The following KIF1B variants were observed in gnomAD, a reference collection of about 807,000 sequenced individuals.
KIF1B encodes the protein kinesin-like protein KIF1B.
Under a neutral mutation model 241.9 loss-of-function variants are expected in KIF1B, and 76 were observed. The observed-to-expected ratio is 0.31, with a 90% CI of 0.26 to 0.38. The LOEUF is 0.38. Among genes scored for constraint, KIF1B ranks in the 10% least tolerant of loss-of-function variants. The pLI, the probability that KIF1B is intolerant of heterozygous loss-of-function variation, is 1.00. For missense variants in KIF1B, 1,622 were observed against 2,271.4 expected (o/e 0.71, Z 5.81); for synonymous variants, 750 against 796.7 (o/e 0.94, Z 0.99).
At chr1:10,353,866 C>T (rs1341192281) in intron 38 of KIF1B, among the ~76,000 whole-genome samples, 2 of 152,166 alleles carry the variant, frequency 1.3e-5, no homozygotes, top group African/African-American at 2.4e-5. Context: ...GGCAAAATCA[C>T]GAGCAATACT....
chr1:10,340,792 G>A (rs1000187832), intron 32 of KIF1B, among the ~76,000 whole-genome samples: 24 of 152,072 alleles, frequency 1.6e-4, no homozygotes, highest in Non-Finnish European at 2.6e-4. Flanking sequence ...AAATAAAAAA[G>A]TAATAATAAA....
intron 41 of KIF1B, among the ~76,000 whole-genome samples, chr1:10,364,325 C>G (rs1339161402): frequency 6.6e-6 from 1 of 151,652 alleles, no homozygotes; most frequent in Non-Finnish European, 1.5e-5. Context: ...CTGCCTCAGC[C>G]TCCTGAGTAG....
chr1:10,293,418 A>G (rs1381877080), intron 17 of KIF1B, among the ~76,000 whole-genome samples: 2 of 117,188 alleles, frequency 1.7e-5, no homozygotes, highest in Admixed American at 1.8e-4. Context: ...TTTTTTTGAG[A>G]CAGAGTCTCA....
At chr1:10,357,253 C>G (rs1638277402) in intron 38 of KIF1B, among the ~76,000 whole-genome samples, 1 of 152,162 alleles carries the variant, frequency 6.6e-6, no homozygotes, top group South Asian at 2.1e-4. Flanking sequence ...ACCTTGAAAC[C>G]TGTTTTTCCT....
rs181811188 is a variant in KIF1B at position 10,332,121 on chromosome 1, A to G, written c.2925-2399A>G. Among the ~76,000 whole-genome samples, 1,249 of 150,804 alleles carry G rather than the reference A, an allele frequency of 8.3e-3. 15 individuals are homozygous for G. Among genetic ancestry groups the G allele is most frequent in the African/African-American group, 0.029 (1,176 of 41,072 alleles). The stretch of plus-strand genomic sequence containing the variant: ...CTCTTGTCCCCCAGGCTGGAGTGCA[A>G]TGGTGCGATCTCGGCTCACTGCAAC... On this transcript the variant is annotated intron_variant, in intron 27 of 48. Coordinates refer to ENST00000676179, the MANE Select transcript of KIF1B (RefSeq NM_001365951.3).
At chr1:10,245,657 G>C (rs1048998066) in intron 2 of KIF1B, among the ~76,000 whole-genome samples, 6 of 152,142 alleles carry the variant, frequency 3.9e-5, no homozygotes, top group Non-Finnish European at 8.8e-5. Flanking sequence ...GGAAAATTTA[G>C]GAAAACAGCC....
chr1:10,289,032 T>C (rs1649855564), intron 15 of KIF1B, among the ~76,000 whole-genome samples: 1 of 152,264 alleles, frequency 6.6e-6, no homozygotes, highest in African/African-American at 2.4e-5. Context: ...AAGTGTTTGA[T>C]GAACTATAAC....
At chr1:10,224,545 A>G (rs942621216) in intron 1 of KIF1B, among the ~76,000 whole-genome samples, 2 of 152,052 alleles carry the variant, frequency 1.3e-5, no homozygotes, top group Non-Finnish European at 2.9e-5. Context: ...CAGCCTCTCA[A>G]GTAGCTGGGA....
intron 31 of KIF1B, among the ~76,000 whole-genome samples, chr1:10,338,993 G>C (rs903125978): frequency 2.6e-5 from 4 of 152,084 alleles, no homozygotes; most frequent in Non-Finnish European, 5.9e-5. Flanking sequence ...TGATGGAAGG[G>C]GTGTCCTTCT....
intron 22 of KIF1B, among the ~76,000 whole-genome samples, chr1:10,315,749 C>A (rs1557709387): frequency 6.6e-6 from 1 of 151,288 alleles, no homozygotes; most frequent in African/African-American, 2.5e-5. Flanking sequence ...CAAGTTAAAT[C>A]TTTTTGTTAA....
chr1:10,229,867 CAAAAAAAAAAAAA>C (rs58923572), intron 1 of KIF1B, among the ~76,000 whole-genome samples: 6 of 56,450 alleles, frequency 1.1e-4, no homozygotes, highest in Non-Finnish European at 1.6e-4. Context: ...GACTCCGTCT[CAAAAAAAAAAAAA>C]AAAAAAAAAA....
chr1:10,381,598 T>G lies in KIF1B; in HGVS notation c.*5011T>G, dbSNP rs997419370. ...AAATAATAAAGGTACAGCCAGTGCATCAGAAGGTTCTCGATGTGCATTTAT... is the reference window on the plus strand; with the variant it reads ...AAATAATAAAGGTACAGCCAGTGCAGCAGAAGGTTCTCGATGTGCATTTAT... On this transcript the variant is annotated 3_prime_UTR_variant, in exon 49 of 49. Transcript: ENST00000676179. 2 of 191,072 alleles carry G rather than the reference T, an allele frequency of 1.0e-5. No homozygotes were observed. Among genetic ancestry groups the G allele is most frequent in the Non-Finnish European group, 2.2e-5 (2 of 90,944 alleles). The allele number at this position is 191,072 out of a possible 1,614,324, so 11.8% of individuals were successfully genotyped here. A position where few individuals can be genotyped will look rare whatever the true frequency, so the allele number is the denominator to read the frequency against.
At chr1:10,343,364 A>G (rs1652471567) in intron 34 of KIF1B, 77 bp downstream of exon 34, 1 of 1,400,042 alleles carries the variant, frequency 7.1e-7, no homozygotes, top group African/African-American at 1.4e-5. Flanking sequence ...TTTCAAATAG[A>G]AGTCATGTTT....
At position 10,267,518 on chromosome 1, in the gene KIF1B, A is replaced by G. The variant is rs1170884679; in HGVS notation, c.568A>G (p.Thr190Ala). The G allele has an allele frequency of 1.2e-6, 2 of 1,614,088 alleles. No homozygotes were observed. Among genetic ancestry groups the G allele is most frequent in the South Asian group, 1.1e-5 (1 of 91,086 alleles). The change falls in exon 6 of 49, where the codon ACA becomes GCA. Residue 190 changes from threonine (T) to alanine (A), a missense_variant. Thr to Ala is a moderately conservative substitution (Grantham distance 58). Around this residue, in one of 7 missense-constraint regions of KIF1B, gnomAD observed 156 missense variants for 244.8 expected, o/e 0.64. Coordinates refer to ENST00000676179, the MANE Select transcript of KIF1B (RefSeq NM_001365951.3). ...DLSKLAVTSY[T>A]DIADLMDAGN... ...GTCCAAGTTGGCAGTTACTTCCTAC[A>G]CAGACATTGCTGACCTCATGGATGC...
At chr1:10,300,653 T>C (rs1175274756) in intron 22 of KIF1B, among the ~76,000 whole-genome samples, 3 of 152,130 alleles carry the variant, frequency 2.0e-5, no homozygotes, top group African/African-American at 7.2e-5. Flanking sequence ...AAAGTGATAG[T>C]TGTTGGTTAT....
intron 1 of KIF1B, among the ~76,000 whole-genome samples, chr1:10,215,966 A>G (rs1646762682): frequency 6.6e-6 from 1 of 152,216 alleles, no homozygotes; most frequent in African/African-American, 2.4e-5. Context: ...AAACAACAAT[A>G]GTGATAAAAT....
chr1:10,226,992 A>AAAC (rs76232291), intron 1 of KIF1B, among the ~76,000 whole-genome samples: 10 of 122,616 alleles, frequency 8.2e-5, no homozygotes, highest in African/African-American at 2.5e-4. Flanking sequence ...AACAAACAAA[A>AAAC]AAATACATTG....
At chr1:10,310,308 C>G (rs976771142) in intron 22 of KIF1B, among the ~76,000 whole-genome samples, 2 of 151,536 alleles carry the variant, frequency 1.3e-5, no homozygotes, top group Non-Finnish European at 2.9e-5. Flanking sequence ...TTGCATACCT[C>G]ATAAATTCCC....
At chr1:10,320,888 A>G (rs1651496149) in intron 23 of KIF1B, among the ~76,000 whole-genome samples, 1 of 151,586 alleles carries the variant, frequency 6.6e-6, no homozygotes, top group African/African-American at 2.4e-5. Context: ...TTTAGTGGAG[A>G]TGGGGTTTCA....
Sources: gnomAD v4.1 joint callset for allele counts (sites outside exome capture counted in the v4.1 genomes callset) on GRCh38, gnomAD v4.1.1 for gene constraint, gnomAD v4.1.1 regional missense constraint, MANE v1.5 for transcripts, NCBI Gene and HGNC (gene_info 2026-07-23, HGNC 2026-07-21) for gene names.